SLC30A8: variants seen among roughly 807,000 people sequenced by gnomAD.
SLC30A8 encodes proton-coupled zinc antiporter SLC30A8.
SLC30A8 carries 27 observed loss-of-function variants against 36.9 expected under a neutral mutation model. The ratio of observed to expected loss-of-function variants is 0.73; its 90% CI spans 0.54 to 1.01. The LOEUF is 1.01. Ranked by LOEUF, SLC30A8 falls within the 50% of genes least tolerant of loss-of-function variation. The probability of loss-of-function intolerance (pLI) is 0.00; values close to 1 mark genes in which losing one functional copy is unlikely to be tolerated. For synonymous variants in SLC30A8, 164 were observed against 172.4 expected, an observed-to-expected ratio of 0.95 and a Z score of 0.38; for missense variants, 439 against 452.0, an observed-to-expected ratio of 0.97 and a Z score of 0.26.
chr8:117,147,851 A>G lies in SLC30A8; in HGVS notation c.271+698A>G, dbSNP rs923925177. 4.6e-5 allele frequency among the ~76,000 whole-genome samples: 7 copies of G among 152,148 alleles called. No individual in the cohort carries two copies. The South Asian group carries it at 1.5e-3, about 32-fold the overall frequency. ...AGATGAATGTTTTATTTTAATATTT[A>G]TTTCTTTAATTGTTACTATTAGACT... On this transcript the variant is annotated intron_variant, in intron 2 of 7. Coordinates refer to ENST00000456015, the MANE Select transcript of SLC30A8 (RefSeq NM_173851.3).
chr8:117,156,803 A>G (rs934252958), intron 3 of SLC30A8, among the ~76,000 whole-genome samples: 3 of 152,228 alleles, frequency 2.0e-5, no homozygotes, highest in Non-Finnish European at 4.4e-5. Context: ...GGTTGTCTGT[A>G]AATGACTAAA....
chr8:117,120,638 C>A (rs1820656267), intron 2 of SLC30A8, among the ~76,000 whole-genome samples: 1 of 151,658 alleles, frequency 6.6e-6, no homozygotes, highest in Admixed American at 6.6e-5. Flanking sequence ...TTCTGCACAA[C>A]AAGGGACACA....
chr8:117,011,653 T>G (rs934281449), intron 1 of SLC30A8, among the ~76,000 whole-genome samples: 10 of 152,212 alleles, frequency 6.6e-5, no homozygotes, highest in Non-Finnish European at 1.3e-4. Flanking sequence ...AAATATAGCA[T>G]TCAATTTTAT....
chr8:117,015,642 C>T (rs1816493512), intron 1 of SLC30A8, among the ~76,000 whole-genome samples: 1 of 152,064 alleles, frequency 6.6e-6, no homozygotes, highest in African/African-American at 2.4e-5. Flanking sequence ...AGAACGCTTT[C>T]CCACCCACCT....
chr8:117,130,748 G>C (rs1481350120), upstream of SLC30A8, among the ~76,000 whole-genome samples: 2 of 151,914 alleles, frequency 1.3e-5, no homozygotes, highest in African/African-American at 4.8e-5. Flanking sequence ...CATTGTTTTG[G>C]AGTTTGTAAG....
Position 117,011,264 on chromosome 8 carries a change from C to T in SLC30A8, c.-265-27955C>T, listed in dbSNP as rs1816336090. On this transcript the variant is annotated intron_variant, in intron 1 of 10. Coordinates refer to the SLC30A8 transcript ENST00000427715. The stretch of plus-strand genomic sequence containing the variant: ...GGACTTTGCAGTATGTGAACCAACT[C>T]TCTTTTTGACCAGGTGGTTTTAACT... Among the ~76,000 whole-genome samples, 4 of 152,164 alleles carry T rather than the reference C, an allele frequency of 2.6e-5. 1 individual carries two copies. The highest frequency in any genetic ancestry group is 2.6e-4 in the Admixed American group (4 of 15,272).
At chr8:116,993,867 A>C (rs1815729046) in intron 1 of SLC30A8, among the ~76,000 whole-genome samples, 1 of 151,988 alleles carries the variant, frequency 6.6e-6, no homozygotes, top group Non-Finnish European at 1.5e-5. Context: ...GAATGCAAGC[A>C]AGAGGCTATT....
intron 1 of SLC30A8, among the ~76,000 whole-genome samples, chr8:117,025,277 T>G (rs571782261): frequency 6.6e-6 from 1 of 152,010 alleles, no homozygotes; most frequent in Non-Finnish European, 1.5e-5. Context: ...GACTAGAAAT[T>G]TGAGAAATGC....
chr8:117,159,962 C>T (rs959433259), intron 4 of SLC30A8, among the ~76,000 whole-genome samples: 1 of 152,192 alleles, frequency 6.6e-6, no homozygotes, highest in Non-Finnish European at 1.5e-5. Flanking sequence ...TTTTTACACT[C>T]AGAAAGTCAA....
At chr8:117,116,789 A>G (rs1431611228) in intron 2 of SLC30A8, among the ~76,000 whole-genome samples, 2 of 152,058 alleles carry the variant, frequency 1.3e-5, no homozygotes, top group Admixed American at 6.6e-5. Context: ...TCAAGTGTCC[A>G]TAGGAGACAG....
At chr8:116,993,647 C>G (rs1297825042) in intron 1 of SLC30A8, among the ~76,000 whole-genome samples, 2 of 151,620 alleles carry the variant, frequency 1.3e-5, no homozygotes, top group Non-Finnish European at 2.9e-5. Flanking sequence ...AAACAGGTAA[C>G]CAGAATCTAC....
intron 1 of SLC30A8, among the ~76,000 whole-genome samples, chr8:116,996,929 A>C (rs1815839663): frequency 1.3e-5 from 2 of 152,208 alleles, no homozygotes; most frequent in Admixed American, 1.3e-4. Flanking sequence ...TCCTAAGTAG[A>C]AAATGATTTA....
At chr8:117,082,631 T>G (rs1436835825) in intron 2 of SLC30A8, among the ~76,000 whole-genome samples, 1 of 152,188 alleles carries the variant, frequency 6.6e-6, no homozygotes, top group Non-Finnish European at 1.5e-5. Flanking sequence ...GAATGTCATG[T>G]GATAGGACCT....
chr8:117,097,896 T>A (rs375357136), intron 2 of SLC30A8, among the ~76,000 whole-genome samples: 123 of 56,278 alleles, frequency 2.2e-3, no homozygotes, highest in African/African-American at 9.6e-3. Flanking sequence ...AAATATATAT[T>A]ATATATAATA....
At position 117,077,963 on chromosome 8, in the gene SLC30A8, TAGG is replaced by T. The variant is rs563426515; in HGVS notation, c.-226+38708_-226+38710del. ...TTTCGTGGCACGGATTGATATTGTG[TAGG>T]AGAAGTTGGATATTAAGGACTCAGT... On this transcript the variant is annotated intron_variant, in intron 2 of 10. Transcript: ENST00000427715. Among the ~76,000 whole-genome samples, 326 of 152,332 alleles carry T rather than the reference TAGG, an allele frequency of 2.1e-3. 1 individual carries two copies. The highest frequency in any genetic ancestry group is 3.2e-3 in the Non-Finnish European group (216 of 68,028).
At chr8:117,110,645 A>G (rs1820187087) in intron 2 of SLC30A8, among the ~76,000 whole-genome samples, 1 of 152,162 alleles carries the variant, frequency 6.6e-6, no homozygotes, top group Non-Finnish European at 1.5e-5. Context: ...GGATCAAGGA[A>G]TGGGCTGAGA....
intron 1 of SLC30A8, among the ~76,000 whole-genome samples, chr8:117,142,034 A>G (rs773043190): frequency 3.3e-5 from 5 of 152,078 alleles, no homozygotes; most frequent in African/African-American, 9.7e-5. Context: ...TGGGAGTTCA[A>G]CTGAGGTGGT....
At chr8:117,160,117 T>A (rs1296980393) in intron 4 of SLC30A8, among the ~76,000 whole-genome samples, 1 of 152,184 alleles carries the variant, frequency 6.6e-6, no homozygotes, top group African/African-American at 2.4e-5. Context: ...TATAGAGATA[T>A]CGGAATTGCG....
chr8:117,045,642 C>T (rs1817526900), intron 2 of SLC30A8, among the ~76,000 whole-genome samples: 1 of 152,146 alleles, frequency 6.6e-6, no homozygotes, highest in Non-Finnish European at 1.5e-5. Context: ...AACTTGGAGT[C>T]CGTGACCTAG....
Sources: gnomAD v4.1 joint callset for allele counts (sites outside exome capture counted in the v4.1 genomes callset) on GRCh38, gnomAD v4.1.1 for gene constraint, MANE v1.5 for transcripts, NCBI Gene and HGNC (gene_info 2026-07-23, HGNC 2026-07-21) for gene names.